Variants in PHAF1 observed in about 807,000 individuals in gnomAD.
PHAF1 encodes the protein phagosome assembly factor 1.
A neutral mutation model predicts 63.1 loss-of-function variants in PHAF1; 23 were observed. The ratio of observed to expected loss-of-function variants is 0.36; its 90% confidence interval spans 0.26 to 0.52. PHAF1 has a LOEUF of 0.52. PHAF1 is among the 20% of genes least tolerant of loss of function. The pLI is 0.93. For missense variants in PHAF1, 427 were observed against 517.2 expected (o/e 0.83, Z 1.69); for synonymous variants, 167 against 185.0 (o/e 0.90, Z 0.79).
chr16:67,147,606 T>C lies in PHAF1; in HGVS notation c.*475T>C, dbSNP rs1453801495. The C allele has an allele frequency of 6.4e-6, 1 of 155,294 alleles. No homozygotes were observed. Among genetic ancestry groups the C allele is most frequent in the African/African-American group, 2.4e-5 (1 of 41,532 alleles). The allele number at this position is 155,294 out of a possible 1,614,324, so 9.6% of individuals were successfully genotyped here. On this transcript the variant is annotated 3_prime_UTR_variant, in exon 16 of 16. Transcript: ENST00000219139. ...TTGCGACATTTGCACTACATCCACT[T>C]TAGTTACTTGATGAGCTGGCTGTGG...
chr16:67,119,522 C>CTTT (rs540049566), intron 1 of PHAF1, among the ~76,000 whole-genome samples: 1 of 138,632 alleles, frequency 7.2e-6, no homozygotes, highest in Middle Eastern at 3.3e-3. Flanking sequence ...TCATACGCAT[C>CTTT]TTTTTTTTTT....
chr16:67,134,117 AGTCCCATCACCT>A, intron 6 of PHAF1, 39 bp from the exon 7 acceptor site: 1 of 1,454,920 alleles, frequency 6.9e-7, no homozygotes, highest in Non-Finnish European at 9.6e-7. Context: ...CCAGAGCCTG[AGTCCCATCACCT>A]GTTGTGCCCT....
intron 8 of PHAF1, among the ~76,000 whole-genome samples, chr16:67,137,015 C>T (rs2145875465): frequency 6.6e-6 from 1 of 152,224 alleles, no homozygotes; most frequent in African/African-American, 2.4e-5. Flanking sequence ...ATTAGCCAGG[C>T]ATGGTGGCAG....
chr16:67,143,943 T>TA (rs370123857), intron 10 of PHAF1, among the ~76,000 whole-genome samples: 114 of 145,580 alleles, frequency 7.8e-4, no homozygotes, highest in Middle Eastern at 3.4e-3. Context: ...AAAAATAAAT[T>TA]AAAAAAAAAA....
chr16:67,119,908 G>A (rs562637020), intron 1 of PHAF1, among the ~76,000 whole-genome samples: 5 of 152,206 alleles, frequency 3.3e-5, no homozygotes, highest in African/African-American at 4.8e-5. Flanking sequence ...CCTGTGCACC[G>A]TCCAAGTATT....
intron 1 of PHAF1, among the ~76,000 whole-genome samples, chr16:67,113,072 A>C (rs1962583956): frequency 2.0e-5 from 3 of 152,198 alleles, no homozygotes; most frequent in Admixed American, 2.0e-4. Flanking sequence ...AGGTGTTGTT[A>C]TCTCTTTTTG....
chr16:67,146,631 T>G (rs1468170532), intron 15 of PHAF1, among the ~76,000 whole-genome samples: 1 of 152,188 alleles, frequency 6.6e-6, no homozygotes, highest in African/African-American at 2.4e-5. Flanking sequence ...ACAACATGAT[T>G]ATAGCAGGGA....
rs1039669445 is a variant in PHAF1 at position 67,125,788 on chromosome 16, A to T, written c.148-171A>T. 5.2e-4 allele frequency among the ~76,000 whole-genome samples: 79 copies of T among 152,242 alleles called. No homozygotes were observed. Among genetic ancestry groups the T allele is most frequent in the African/African-American group, 1.9e-3 (79 of 41,464 alleles). ...CTGCAGGCTAGAAGTAAAAAACACCATATGTTCATGCAGCAGTTTTTTTCT... is the reference window on the plus strand; with the variant it reads ...CTGCAGGCTAGAAGTAAAAAACACCTTATGTTCATGCAGCAGTTTTTTTCT... On this transcript the variant is annotated intron_variant, in intron 2 of 15. Coordinates refer to ENST00000219139, the MANE Select transcript of PHAF1 (RefSeq NM_025187.5).
At chr16:67,144,616 T>G (rs1278155267) in intron 11 of PHAF1, among the ~76,000 whole-genome samples, 3 of 152,210 alleles carry the variant, frequency 2.0e-5, no homozygotes, top group Admixed American at 2.0e-4. Context: ...TGATGTCTTA[T>G]CCAAGGTAAT....
At chr16:67,126,438 T>G (rs1176142426) in intron 3 of PHAF1, among the ~76,000 whole-genome samples, 1 of 152,174 alleles carries the variant, frequency 6.6e-6, no homozygotes, top group Non-Finnish European at 1.5e-5. Context: ...TGCTGGGGCT[T>G]GGGTTAACAA....
intron 8 of PHAF1, among the ~76,000 whole-genome samples, chr16:67,136,819 G>T (rs767462053): frequency 6.6e-6 from 1 of 151,698 alleles, no homozygotes; most frequent in Non-Finnish European, 1.5e-5. Flanking sequence ...AGCCTTAAGC[G>T]GTCGTCCCAC....
rs1963913771 is a variant in PHAF1 at position 67,144,349 on chromosome 16, A to G, written c.935A>G (p.Asn312Ser). ...GTGAAGAAGTTTGTTCTACACACCA[A>G]TTACCCTGGGCATTATAATTTCAAC... ...HKVKKFVLHT[N>S]YPGHYNFNIY... Residue 312 changes from asparagine (N) to serine (S), a missense_variant, in exon 11 of 16, where the codon AAT becomes AGT. Transcript: ENST00000219139. 6.2e-7 allele frequency: 1 copy of G among 1,610,740 alleles called. No homozygotes were observed. The highest frequency in any genetic ancestry group is 8.5e-7 in the Non-Finnish European group (1 of 1,176,898).
rs1344556898 is a variant in PHAF1, at chr16:67,144,300, C to T, written c.886C>T (p.Leu296Phe). 6.2e-7 allele frequency: 1 copy of T among 1,610,096 alleles called. No individual in the cohort carries two copies. Among genetic ancestry groups the T allele is most frequent in the South Asian group, 1.1e-5 (1 of 90,942 alleles). Residue 296 changes from leucine to phenylalanine, a missense_variant, in exon 11 of 16, where the codon CTC (leucine) becomes TTC (phenylalanine). Physicochemically the swap from Leu to Phe is conservative, Grantham distance 22. Coordinates refer to ENST00000219139, the MANE Select transcript of PHAF1 (RefSeq NM_025187.5). ...CCCTTGTTTTCTATCCCAGGACATC[C>T]TCTTTGATGCGAATACACACAAAGT... ...FNYFTLGVDILFDANTHKVKK... is the reference protein window; with the variant it reads ...FNYFTLGVDIFFDANTHKVKK...
chr16:67,146,716 T>C (rs1338145015), intron 15 of PHAF1, among the ~76,000 whole-genome samples: 1 of 152,114 alleles, frequency 6.6e-6, no homozygotes, highest in Non-Finnish European at 1.5e-5. Context: ...AAATGCATTG[T>C]AGGGGAGTGA....
At chr16:67,138,181 T>C (rs1268420176) in intron 8 of PHAF1, among the ~76,000 whole-genome samples, 2 of 152,150 alleles carry the variant, frequency 1.3e-5, no homozygotes, top group Non-Finnish European at 2.9e-5. Context: ...TCCACACGTA[T>C]CTGGTGCCTG....
intron 1 of PHAF1, among the ~76,000 whole-genome samples, chr16:67,112,836 C>T (rs529644956): frequency 6.6e-6 from 1 of 152,324 alleles, no homozygotes; most frequent in South Asian, 2.1e-4. Context: ...TTCATTTTTA[C>T]ATGGTGTCTG....
At chr16:67,111,703 C>T (rs1962520979) in intron 1 of PHAF1, among the ~76,000 whole-genome samples, 1 of 152,190 alleles carries the variant, frequency 6.6e-6, no homozygotes, top group South Asian at 2.1e-4. Flanking sequence ...TCACTGCAAC[C>T]TCTGCCTCCC....
rs186586341 is a variant in PHAF1 at position 67,146,151 on chromosome 16, A to G, written c.1110-127A>G. The G allele has an allele frequency of 2.2e-3, 1,899 of 874,028 alleles. 10 individuals are homozygous for G. Among genetic ancestry groups the G allele is most frequent in the African/African-American group, 8.7e-3 (526 of 60,228 alleles). 54.1% of individuals were successfully genotyped at this position (874,028 alleles called of 1,614,324 possible). A position where few individuals can be genotyped will look rare whatever the true frequency, so the allele number is the denominator to read the frequency against. ...TAGGATCTTGCAGGCCTGTGTGGGA[A>G]ACAGACAGACACTCACAGCCATGAG... On this transcript the variant is annotated intron_variant, in intron 14 of 15. Coordinates refer to ENST00000219139, the MANE Select transcript of PHAF1 (RefSeq NM_025187.5).
intron 1 of PHAF1, among the ~76,000 whole-genome samples, chr16:67,114,778 G>A (rs1962671130): frequency 6.6e-6 from 1 of 152,214 alleles, no homozygotes; most frequent in African/African-American, 2.4e-5. Context: ...ATGTATTAGT[G>A]AAGTGTATTG....
Sources: allele counts gnomAD v4.1 joint callset (sites outside exome capture counted in the v4.1 genomes callset), GRCh38; gene constraint gnomAD v4.1.1; transcripts MANE v1.5; gene names NCBI Gene and HGNC (gene_info 2026-07-23, HGNC 2026-07-21).